The following CCNJL variants were observed in gnomAD, a reference collection of about 807,000 sequenced individuals.
CCNJL encodes cyclin J like, also known as cyclin-J-like protein.
CCNJL carries 33 observed loss-of-function variants against 33.4 expected under a neutral mutation model. The observed-to-expected ratio is 0.99, with a 90% CI of 0.75 to 1.32. The LOEUF (loss-of-function observed/expected upper bound fraction) is 1.32, where lower values mean the gene tolerates loss of function less well. CCNJL is among the 40% of genes most tolerant of loss of function. CCNJL has a pLI of 0.00. For missense variants in CCNJL, 512 were observed against 499.7 expected, an observed-to-expected ratio of 1.02 and a Z score of -0.23; for synonymous variants, 227 against 220.9, an observed-to-expected ratio of 1.03 and a Z score of -0.24.
chr5:160,263,741 C>T (rs536290591), intron 3 of CCNJL, among the ~76,000 whole-genome samples: 41 of 152,332 alleles, frequency 2.7e-4, no homozygotes, highest in South Asian at 2.1e-3. Context: ...AATAAATAAT[C>T]TGGGAGGGCA....
At chr5:160,275,296 G>A (rs560313190) in intron 3 of CCNJL, among the ~76,000 whole-genome samples, 6 of 152,122 alleles carry the variant, frequency 3.9e-5, no homozygotes, top group African/African-American at 1.4e-4. Context: ...ATGTTGGCCA[G>A]GCTGGTCTTG....
intron 3 of CCNJL, among the ~76,000 whole-genome samples, chr5:160,279,466 T>A (rs1450941842): frequency 6.6e-6 from 1 of 152,324 alleles, no homozygotes; most frequent in South Asian, 2.1e-4. Flanking sequence ...ACACAGATTA[T>A]TTTTGAGGTC....
intron 3 of CCNJL, among the ~76,000 whole-genome samples, chr5:160,271,470 G>A (rs995609400): frequency 2.0e-5 from 3 of 152,202 alleles, no homozygotes; most frequent in Admixed American, 1.3e-4. Flanking sequence ...AAGAGCTTCC[G>A]GCCCAGCCAG....
At chr5:160,308,706 T>C (rs1763170758) in intron 2 of CCNJL, among the ~76,000 whole-genome samples, 1 of 152,216 alleles carries the variant, frequency 6.6e-6, no homozygotes, top group African/African-American at 2.4e-5. Context: ...TGCACTGAGC[T>C]GATAGTGCCA....
chr5:160,296,586 C>T (rs1762757039), intron 2 of CCNJL, among the ~76,000 whole-genome samples: 1 of 152,206 alleles, frequency 6.6e-6, no homozygotes, highest in South Asian at 2.1e-4. Context: ...CTGGCACTCT[C>T]CTCCCCACCC....
intron 2 of CCNJL, among the ~76,000 whole-genome samples, chr5:160,308,921 T>C (rs1366708615): frequency 6.6e-6 from 1 of 152,010 alleles, no homozygotes; most frequent in Admixed American, 6.6e-5. Context: ...AGAATCCAAA[T>C]AGAGGAAAGA....
At chr5:160,308,421 T>C (rs565837142) in intron 2 of CCNJL, among the ~76,000 whole-genome samples, 1 of 152,332 alleles carries the variant, frequency 6.6e-6, no homozygotes, top group South Asian at 2.1e-4. Flanking sequence ...TCTTCTCGTG[T>C]AGCATGTATT....
chr5:160,336,813 C>T (rs1166603630), intron 1 of CCNJL, among the ~76,000 whole-genome samples: 1 of 152,114 alleles, frequency 6.6e-6, no homozygotes, highest in Admixed American at 6.5e-5. Context: ...TCAGTGTTGA[C>T]CCTTCACTTT....
intron 2 of CCNJL, among the ~76,000 whole-genome samples, chr5:160,298,490 T>A (rs1239616186): frequency 1.3e-5 from 2 of 152,158 alleles, no homozygotes; most frequent in Non-Finnish European, 2.9e-5. Flanking sequence ...CAACACACAC[T>A]CTGCTGAGAG....
intron 2 of CCNJL, among the ~76,000 whole-genome samples, chr5:160,297,672 A>C (rs1015366598): frequency 1.4e-5 from 2 of 145,140 alleles, no homozygotes; most frequent in South Asian, 2.2e-4. Flanking sequence ...AAAAAAAAAA[A>C]CAAAACACCG....
At chr5:160,258,663 T>C in intron 4 of CCNJL, 1 of 887,048 alleles carries the variant, frequency 1.1e-6, no homozygotes, top group South Asian at 1.3e-5. Context: ...AATTATTTGG[T>C]CTGCAGCTGT....
chr5:160,271,283 C>T (rs1414361969), intron 3 of CCNJL, among the ~76,000 whole-genome samples: 1 of 152,062 alleles, frequency 6.6e-6, no homozygotes, highest in Non-Finnish European at 1.5e-5. Context: ...CTGCTGCGAT[C>T]AGGGGCTCCT....
rs755752513 is a variant in CCNJL at position 160,253,834 on chromosome 5, A to G, written c.744-36T>C. ...AAGACCTGGGTGAGAACTGGAGGCC[A>G]AAAGCCACCAGATGCCTGTGTGTGT... On this transcript the variant is annotated intron_variant, in intron 5 of 5. Coordinates refer to ENST00000257536, the MANE Select transcript of CCNJL (RefSeq NM_001308173.3). 4.8e-6 allele frequency: 7 copies of G among 1,458,634 alleles called. No homozygotes were observed. The African/African-American group carries it at 7.1e-5, about 15-fold the overall frequency. The allele number at this position is 1,458,634 out of a possible 1,614,324, so 90.4% of individuals were successfully genotyped here. A position where few individuals can be genotyped will look rare whatever the true frequency, so the allele number is the denominator to read the frequency against.
intron 2 of CCNJL, among the ~76,000 whole-genome samples, chr5:160,289,995 G>C (rs1381391344): frequency 1.3e-5 from 2 of 152,298 alleles, no homozygotes; most frequent in East Asian, 3.9e-4. Context: ...AGCCGGGGAG[G>C]GGGAGGAAAA....
chr5:160,268,793 C>A (rs1014998899), intron 3 of CCNJL, among the ~76,000 whole-genome samples: 1 of 152,204 alleles, frequency 6.6e-6, no homozygotes, highest in African/African-American at 2.4e-5. Flanking sequence ...ACCAGCCATT[C>A]CTGGGCTTCC....
At chr5:160,303,851 A>G (rs1419588883) in intron 2 of CCNJL, among the ~76,000 whole-genome samples, 1 of 152,022 alleles carries the variant, frequency 6.6e-6, no homozygotes, top group Non-Finnish European at 1.5e-5. Context: ...CCTTTACCCG[A>G]GGGACTGTGT....
chr5:160,253,682 G>T lies in CCNJL; in HGVS notation c.860C>A (p.Ala287Asp), dbSNP rs74564582. The stretch of plus-strand genomic sequence containing the variant: ...CAGGGTGGTCGCTGGCTGGCCGAGG[G>T]CCGGGTAGGCTGGTGGCTGGAACAG... ...QVLFQPPAYPALGQPATTLAQ... is the reference protein window; with the variant it reads ...QVLFQPPAYPDLGQPATTLAQ... Residue 287 changes from alanine (A) to aspartate (D), a missense_variant, in exon 6 of 6, where the codon GCC becomes GAC. Physicochemically the swap from Ala to Asp is moderately radical, Grantham distance 126. Coordinates refer to ENST00000257536, the MANE Select transcript of CCNJL (RefSeq NM_001308173.3). 1.2e-6 allele frequency: 2 copies of T among 1,607,998 alleles called. No homozygotes were observed. The highest frequency in any genetic ancestry group is 3.3e-4 in the Middle Eastern group (2 of 6,038).
At chr5:160,307,256 ACAAGGCACACCT>A (rs1444223012) in intron 2 of CCNJL, among the ~76,000 whole-genome samples, 1 of 152,208 alleles carries the variant, frequency 6.6e-6, no homozygotes, top group Non-Finnish European at 1.5e-5. Context: ...TGCCAAGGTA[ACAAGGCACACCT>A]CATACCTGCA....
At chr5:160,280,444 T>A in intron 3 of CCNJL, 81 bp downstream of exon 3, 1 of 1,124,626 alleles carries the variant, frequency 8.9e-7, no homozygotes, top group Non-Finnish European at 1.3e-6. Context: ...CGTCAAAATG[T>A]AAAGTGATTT....
Sources: allele counts gnomAD v4.1 joint callset (sites outside exome capture counted in the v4.1 genomes callset), GRCh38; gene constraint gnomAD v4.1.1; transcripts MANE v1.5; gene names NCBI Gene and HGNC (gene_info 2026-07-23, HGNC 2026-07-21).